Variants in LRFN5 observed in about 807,000 individuals in gnomAD.
LRFN5 encodes leucine rich repeat and fibronectin type III domain containing 5.
LRFN5 carries 24 observed loss-of-function variants against 45.6 expected under a neutral mutation model. The ratio of observed to expected loss-of-function variants is 0.53; its 90% CI spans 0.38 to 0.74. The LOEUF (loss-of-function observed/expected upper bound fraction) is 0.74. LRFN5 is among the 30% of genes least tolerant of loss of function. The pLI, the probability that LRFN5 is intolerant of heterozygous loss-of-function variation, is 0.00. For synonymous variants in LRFN5, 340 were observed against 313.8 expected (o/e 1.08, Z -0.88); for missense variants, 776 against 861.5 (o/e 0.90, Z 1.24).
At chr14:41,868,022 C>T (rs900885814) in intron 2 of LRFN5, among the ~76,000 whole-genome samples, 3 of 151,936 alleles carry the variant, frequency 2.0e-5, no homozygotes, top group African/African-American at 7.2e-5. Flanking sequence ...TTATATTCAC[C>T]ATGGAGTTGC....
intron 1 of LRFN5, among the ~76,000 whole-genome samples, chr14:41,738,360 G>T (rs1456025575): frequency 1.3e-5 from 2 of 152,088 alleles, no homozygotes; most frequent in Non-Finnish European, 2.9e-5. Flanking sequence ...ATGGATTAAA[G>T]ACTTAAATGT....
chr14:41,615,361 A>G (rs911368454), intron 1 of LRFN5, among the ~76,000 whole-genome samples: 1 of 152,146 alleles, frequency 6.6e-6, no homozygotes, highest in Admixed American at 6.5e-5. Flanking sequence ...TTCCTGAGAT[A>G]GTACTTCTAG....
intron 2 of LRFN5, among the ~76,000 whole-genome samples, chr14:41,785,336 A>G (rs576860025): frequency 1.6e-4 from 25 of 151,618 alleles, no homozygotes; most frequent in Admixed American, 1.6e-3. Flanking sequence ...TCTTTGGTTC[A>G]TTTTTCTCTT....
At chr14:41,845,107 G>T (rs1465037238) in intron 2 of LRFN5, among the ~76,000 whole-genome samples, 1 of 150,314 alleles carries the variant, frequency 6.7e-6, no homozygotes, top group East Asian at 2.0e-4. Context: ...GCTCACTGAA[G>T]TATTACCTTT....
chr14:41,765,433 A>C (rs1885848805), intron 1 of LRFN5, among the ~76,000 whole-genome samples: 3 of 152,032 alleles, frequency 2.0e-5, no homozygotes, highest in Non-Finnish European at 2.9e-5. Flanking sequence ...ACGCACACAC[A>C]TACATACACA....
chr14:41,674,298 TC>T (rs1425891150), intron 1 of LRFN5, among the ~76,000 whole-genome samples: 6 of 124,410 alleles, frequency 4.8e-5, no homozygotes, highest in Non-Finnish European at 1.0e-4. Context: ...GTCCCTCACC[TC>T]CCGGACGGGG....
chr14:41,692,373 C>T (rs1333091232), intron 1 of LRFN5, among the ~76,000 whole-genome samples: 2 of 151,876 alleles, frequency 1.3e-5, no homozygotes, highest in African/African-American at 4.8e-5. Context: ...AAGATATATA[C>T]AGTAGATATT....
At chr14:41,844,239 C>G (rs373081006) in intron 2 of LRFN5, among the ~76,000 whole-genome samples, 78 of 151,930 alleles carry the variant, frequency 5.1e-4, no homozygotes, top group Middle Eastern at 3.4e-3. Context: ...AGATCGAGAC[C>G]ATCCTGGCTA....
intron 2 of LRFN5, among the ~76,000 whole-genome samples, chr14:41,882,231 C>G (rs974278886): frequency 6.9e-6 from 1 of 145,972 alleles, no homozygotes; most frequent in Non-Finnish European, 1.5e-5. Flanking sequence ...TCACCCCTAG[C>G]ATTTTTTTTT....
At chr14:41,768,946 G>A (rs559567797) in intron 2 of LRFN5, among the ~76,000 whole-genome samples, 2 of 152,178 alleles carry the variant, frequency 1.3e-5, no homozygotes, top group East Asian at 3.9e-4. Context: ...TGTTGAAAAA[G>A]ACTCTTCCAA....
At chr14:41,795,715 G>A (rs1887099731) in intron 2 of LRFN5, among the ~76,000 whole-genome samples, 1 of 151,862 alleles carries the variant, frequency 6.6e-6, no homozygotes, top group African/African-American at 2.4e-5. Context: ...TCATAGGTGG[G>A]AATTGAACAA....
At chr14:41,736,769 T>G (rs1437817379) in intron 1 of LRFN5, among the ~76,000 whole-genome samples, 1 of 152,182 alleles carries the variant, frequency 6.6e-6, no homozygotes, top group East Asian at 1.9e-4. Flanking sequence ...GATAAATTCC[T>G]GGACACATAC....
At position 41,835,825 on chromosome 14, in the gene LRFN5, T is replaced by A. The variant is rs142987602; in HGVS notation, c.-20-50781T>A. 7.4e-3 allele frequency among the ~76,000 whole-genome samples: 1,131 copies of A among 152,244 alleles called. 17 individuals carry two copies. The highest frequency in any genetic ancestry group is 0.026 in the African/African-American group (1,080 of 41,530). ...CAGATAAAAATCTTTGGAGTTTATT[T>A]TAAAGTAATCATTCTAGATGAAAGT... On this transcript the variant is annotated intron_variant, in intron 2 of 5. Transcript: ENST00000298119.
chr14:41,614,055 C>T (rs1402649069), intron 1 of LRFN5, among the ~76,000 whole-genome samples: 5 of 152,038 alleles, frequency 3.3e-5, no homozygotes, highest in African/African-American at 1.2e-4. Flanking sequence ...ACCTAACTTT[C>T]TCTTATCTCC....
intron 2 of LRFN5, among the ~76,000 whole-genome samples, chr14:41,834,098 A>G (rs1407591492): frequency 6.6e-6 from 1 of 152,142 alleles, no homozygotes; most frequent in African/African-American, 2.4e-5. Flanking sequence ...ACTTGCTTCC[A>G]GATCTACATT....
intron 2 of LRFN5, among the ~76,000 whole-genome samples, chr14:41,778,696 C>A (rs1342186941): frequency 6.6e-6 from 1 of 151,826 alleles, no homozygotes; most frequent in African/African-American, 2.4e-5. Flanking sequence ...TGATCCCTTT[C>A]TGCCTCTGTG....
chr14:41,749,855 C>A (rs1322140294), intron 1 of LRFN5, among the ~76,000 whole-genome samples: 1 of 151,948 alleles, frequency 6.6e-6, no homozygotes, highest in African/African-American at 2.4e-5. Context: ...AATTTTCATC[C>A]TAATGTTGAA....
chr14:41,781,775 CT>C (rs1886538515), intron 2 of LRFN5, among the ~76,000 whole-genome samples: 3 of 151,930 alleles, frequency 2.0e-5, no homozygotes, highest in African/African-American at 7.2e-5. Flanking sequence ...GCCTTTATTT[CT>C]TTTTACTTTT....
chr14:41,788,295 G>A (rs1044783898), intron 2 of LRFN5, among the ~76,000 whole-genome samples: 2 of 152,048 alleles, frequency 1.3e-5, no homozygotes, highest in African/African-American at 4.8e-5. Context: ...TTATATGGAA[G>A]TTAATTCTTC....
Sources: allele counts gnomAD v4.1 joint callset (sites outside exome capture counted in the v4.1 genomes callset), GRCh38; gene constraint gnomAD v4.1.1; transcripts MANE v1.5; gene names NCBI Gene and HGNC (gene_info 2026-07-23, HGNC 2026-07-21).